Variants in SVEP1 observed in about 807,000 individuals in gnomAD.
SVEP1 encodes sushi, von Willebrand factor type A, EGF and pentraxin domain-containing protein 1.
A neutral mutation model predicts 367.3 loss-of-function variants in SVEP1; 164 were observed. The ratio of observed to expected loss-of-function variants is 0.45; its 90% CI spans 0.39 to 0.51. The LOEUF is 0.51. SVEP1 is among the 20% of genes least tolerant of loss of function. The pLI is 0.00. For missense variants in SVEP1, 4,117 were observed against 4,425.3 expected (o/e 0.93, Z 1.98); for synonymous variants, 1,666 against 1,611.6 (o/e 1.03, Z -0.81).
intron 27 of SVEP1, 152 bp downstream of exon 27, chr9:110,443,391 CCA>C: frequency 2.9e-6 from 2 of 698,324 alleles, no homozygotes; most frequent in East Asian, 3.3e-5. Context: ...TTCTAATAAC[CCA>C]CAGTTAGGAT....
intron 3 of SVEP1, among the ~76,000 whole-genome samples, chr9:110,543,794 G>T (rs1830183852): frequency 6.6e-6 from 1 of 152,146 alleles, no homozygotes; most frequent in African/African-American, 2.4e-5. Context: ...CTAGGATGGG[G>T]GAGTAAGGAA....
intron 5 of SVEP1, among the ~76,000 whole-genome samples, chr9:110,507,939 A>T (rs1007882736): frequency 6.6e-6 from 1 of 152,214 alleles, no homozygotes; most frequent in Non-Finnish European, 1.5e-5. Flanking sequence ...ATAGATGCAA[A>T]TTATACTGCT....
At chr9:110,410,967 C>G in intron 37 of SVEP1, 96 bp downstream of exon 37, 1 of 1,111,228 alleles carries the variant, frequency 9.0e-7, no homozygotes, top group Non-Finnish European at 1.2e-6. Context: ...CCTTAGTGAA[C>G]TTGGCAGTGT....
At chr9:110,534,676 T>C (rs1830059029) in intron 3 of SVEP1, among the ~76,000 whole-genome samples, 1 of 152,180 alleles carries the variant, frequency 6.6e-6, no homozygotes, top group Non-Finnish European at 1.5e-5. Flanking sequence ...CTCAGCAATC[T>C]CATCAGTATC....
intron 44 of SVEP1, 117 bp downstream of exon 44, chr9:110,379,230 A>T: frequency 4.2e-6 from 5 of 1,183,630 alleles, no homozygotes; most frequent in Non-Finnish European, 5.8e-6. Flanking sequence ...TGCTAAAAGA[A>T]ATTTTAAAGC....
At chr9:110,495,155 C>T (rs1028682752) in intron 8 of SVEP1, among the ~76,000 whole-genome samples, 1 of 152,170 alleles carries the variant, frequency 6.6e-6, no homozygotes, top group Non-Finnish European at 1.5e-5. Flanking sequence ...TCAACTTCTC[C>T]ATCTCAATTG....
chr9:110,469,446 A>G (rs1344818605), intron 16 of SVEP1, among the ~76,000 whole-genome samples: 1 of 152,212 alleles, frequency 6.6e-6, no homozygotes, highest in Non-Finnish European at 1.5e-5. Context: ...GAAAAAAGGA[A>G]AAAACAGTTA....
In SVEP1 at chr9:110,462,074, C is replaced by A. The variant is rs1369944203; in HGVS notation, c.3323-2961G>T. On this transcript the variant is annotated intron_variant, in intron 18 of 47. Transcript: ENST00000374469. ...ATAAAACTTTTGTTTGAGAGAATATCTCTGAGTATGTATGAAATGCTGAAA... is the reference window on the plus strand; with the variant it reads ...ATAAAACTTTTGTTTGAGAGAATATATCTGAGTATGTATGAAATGCTGAAA... Among the ~76,000 whole-genome samples, 4 of 152,196 alleles carry A rather than the reference C, an allele frequency of 2.6e-5. No individual in the cohort carries two copies. In the South Asian group the frequency reaches 8.3e-4, roughly 32 times the overall value.
chr9:110,520,657 C>T (rs1277806394), intron 3 of SVEP1, among the ~76,000 whole-genome samples: 1 of 152,164 alleles, frequency 6.6e-6, no homozygotes, highest in African/African-American at 2.4e-5. Flanking sequence ...TCTAATATAT[C>T]TTACCCGTTA....
intron 18 of SVEP1, among the ~76,000 whole-genome samples, chr9:110,459,438 G>A (rs1310453570): frequency 6.6e-6 from 1 of 152,094 alleles, no homozygotes; most frequent in Non-Finnish European, 1.5e-5. Context: ...AAATAAAAAT[G>A]TTGCATCTCA....
intron 9 of SVEP1, among the ~76,000 whole-genome samples, chr9:110,487,805 T>C (rs1468123523): frequency 6.6e-6 from 1 of 152,200 alleles, no homozygotes; most frequent in East Asian, 1.9e-4. Context: ...ATACATTCAT[T>C]ACTTTTACTT....
rs1299992296 is a variant in SVEP1, at chr9:110,523,194, A to G, written c.965-9088T>C. Among the ~76,000 whole-genome samples the G allele has an allele frequency of 2.0e-5, 3 of 152,078 alleles. No individual in the cohort carries two copies. In the East Asian group the frequency reaches 5.8e-4, roughly 29 times the overall value. On this transcript the variant is annotated intron_variant, in intron 3 of 47. Transcript: ENST00000374469. ...TTTTTCCTACCTTCCCACCCATGCA[A>G]GCTACCTCCAGTCCCCATCACAGGC...
At position 110,390,353 on chromosome 9, in the gene SVEP1, A is replaced by ATATAAGTATGTGTATATATACG. The variant is rs1554710778; in HGVS notation, c.9823-767_9823-766insCGTATATATACACATACTTATA. ...TATATACACATACTTATATACACTT[A>ATATAAGTATGTGTATATATACG]TATATATATACTTATATCTACTTAT... is the stretch of plus-strand genomic sequence containing the variant. On this transcript the variant is annotated intron_variant, in intron 40 of 47. Coordinates refer to ENST00000374469, the MANE Select transcript of SVEP1 (RefSeq NM_153366.4). Among the ~76,000 whole-genome samples the ATATAAGTATGTGTATATATACG allele has an allele frequency of 3.3e-4, 17 of 51,492 alleles. 1 individual carries two copies. The highest frequency in any genetic ancestry group is 4.7e-4 in the African/African-American group (8 of 16,920). The allele number at this position is 51,492 out of a possible 152,430, so 33.8% of individuals were successfully genotyped here.
intron 3 of SVEP1, among the ~76,000 whole-genome samples, chr9:110,527,116 A>G (rs948702229): frequency 2.6e-5 from 4 of 152,076 alleles, no homozygotes; most frequent in African/African-American, 9.7e-5. Context: ...CTGTATTGAA[A>G]CCATATCGAT....
At chr9:110,425,276 T>C (rs1298623116) in intron 36 of SVEP1, among the ~76,000 whole-genome samples, 1 of 152,212 alleles carries the variant, frequency 6.6e-6, no homozygotes, top group African/African-American at 2.4e-5. Flanking sequence ...CCATATATTA[T>C]TGAAATGTCA....
chr9:110,500,582 A>G (rs1441010724), intron 6 of SVEP1, among the ~76,000 whole-genome samples: 1 of 152,098 alleles, frequency 6.6e-6, no homozygotes, highest in Non-Finnish European at 1.5e-5. Flanking sequence ...TAATGGTTTT[A>G]TCTTTTACCT....
At chr9:110,466,611 A>C (rs567379842) in intron 17 of SVEP1, among the ~76,000 whole-genome samples, 1 of 151,148 alleles carries the variant, frequency 6.6e-6, no homozygotes, top group South Asian at 2.1e-4. Context: ...ATACAAAAAA[A>C]TTAGCCGGGC....
intron 22 of SVEP1, 65 bp from the exon 23 acceptor site, chr9:110,451,467 C>T: frequency 8.3e-7 from 1 of 1,205,700 alleles, no homozygotes; most frequent in Non-Finnish European, 1.2e-6. Flanking sequence ...CAATAGTTTC[C>T]AAGCAAGTTG....
chr9:110,474,422 T>C (rs1371090942), intron 14 of SVEP1, among the ~76,000 whole-genome samples: 1 of 152,218 alleles, frequency 6.6e-6, no homozygotes, highest in African/African-American at 2.4e-5. Context: ...ACACCGATCT[T>C]GTGACTTTCT....
Sources: allele counts gnomAD v4.1 joint callset (sites outside exome capture counted in the v4.1 genomes callset), GRCh38; gene constraint gnomAD v4.1.1; transcripts MANE v1.5; gene names NCBI Gene and HGNC (gene_info 2026-07-23, HGNC 2026-07-21).